The following XPO7 variants were observed in gnomAD, a reference collection of about 807,000 sequenced individuals.
XPO7 encodes the protein exportin-7.
A neutral mutation model predicts 144.3 loss-of-function variants in XPO7; 21 were observed. The ratio of observed to expected loss-of-function variants is 0.15; its 90% CI spans 0.10 to 0.21. The LOEUF is 0.21. XPO7 is among the 10% of genes least tolerant of loss of function. XPO7 has a pLI of 1.00. For synonymous variants in XPO7, 580 were observed against 499.6 expected (o/e 1.16, Z -2.15); for missense variants, 808 against 1,325.8 (o/e 0.61, Z 6.06).
intron 1 of XPO7, among the ~76,000 whole-genome samples, chr8:21,959,438 T>G (rs901986969): frequency 2.8e-4 from 43 of 152,172 alleles, no homozygotes; most frequent in African/African-American, 9.7e-4. Flanking sequence ...TTGAGTAACT[T>G]AAGTCATGCT....
chr8:21,950,889 A>C (rs1307895668), intron 1 of XPO7, among the ~76,000 whole-genome samples: 26 of 152,124 alleles, frequency 1.7e-4, no homozygotes, highest in South Asian at 6.2e-4. Context: ...TGGGAGGCTG[A>C]GGAGGGTGGA....
At chr8:21,954,824 T>C (rs1811483590) in intron 1 of XPO7, among the ~76,000 whole-genome samples, 1 of 152,196 alleles carries the variant, frequency 6.6e-6, no homozygotes, top group African/African-American at 2.4e-5. Context: ...AGGTTATCAC[T>C]TTCTGAACTT....
intron 1 of XPO7, among the ~76,000 whole-genome samples, chr8:21,920,992 TA>T (rs1810263655): frequency 6.6e-6 from 1 of 152,174 alleles, no homozygotes; most frequent in African/African-American, 2.4e-5. Flanking sequence ...CAGAGATCAG[TA>T]AAGTAGATCT....
intron 8 of XPO7, among the ~76,000 whole-genome samples, chr8:21,978,120 C>T (rs1286166103): frequency 6.6e-6 from 1 of 152,174 alleles, no homozygotes; most frequent in African/African-American, 2.4e-5. Flanking sequence ...GTTCCTCAAA[C>T]GGCCACAGGC....
chr8:21,963,793 T>A (rs1293917112), intron 1 of XPO7, among the ~76,000 whole-genome samples: 1 of 152,096 alleles, frequency 6.6e-6, no homozygotes, highest in Non-Finnish European at 1.5e-5. Flanking sequence ...TAATATAACA[T>A]CTAATGTACC....
chr8:21,938,871 G>A (rs1382614648), intron 1 of XPO7, among the ~76,000 whole-genome samples: 1 of 151,818 alleles, frequency 6.6e-6, no homozygotes, highest in African/African-American at 2.4e-5. Flanking sequence ...GAGTTTTTAT[G>A]TGTGCTGTTT....
At chr8:21,963,512 G>T (rs1416850717) in intron 1 of XPO7, among the ~76,000 whole-genome samples, 6 of 152,102 alleles carry the variant, frequency 3.9e-5, no homozygotes, top group South Asian at 2.1e-4. Flanking sequence ...TGGCCAATAT[G>T]GTGAAACCCC....
intron 1 of XPO7, among the ~76,000 whole-genome samples, chr8:21,965,782 G>A (rs1045178226): frequency 3.9e-5 from 6 of 152,178 alleles, no homozygotes; most frequent in African/African-American, 1.4e-4. Context: ...ATAATGAAAA[G>A]CCTTGGGCAG....
chr8:21,927,981 A>C (rs1810516871), intron 1 of XPO7, among the ~76,000 whole-genome samples: 1 of 152,206 alleles, frequency 6.6e-6, no homozygotes, highest in African/African-American at 2.4e-5. Flanking sequence ...CCTTTTTACT[A>C]AAATTTTATT....
intron 5 of XPO7, among the ~76,000 whole-genome samples, chr8:21,972,992 C>T (rs1812116118): frequency 6.6e-6 from 1 of 152,174 alleles, no homozygotes; most frequent in African/African-American, 2.4e-5. Flanking sequence ...CCATTCTAAG[C>T]ACTTTATAGT....
chr8:21,996,577 A>G (rs1388061706), intron 21 of XPO7, among the ~76,000 whole-genome samples: 4 of 152,160 alleles, frequency 2.6e-5, no homozygotes, highest in Admixed American at 6.5e-5. Flanking sequence ...GATATGATAG[A>G]TATTAGAATA....
At chr8:22,000,196 A>G (rs1042172690) in intron 24 of XPO7, among the ~76,000 whole-genome samples, 1 of 152,208 alleles carries the variant, frequency 6.6e-6, no homozygotes, top group African/African-American at 2.4e-5. Flanking sequence ...CCTGTAGGCA[A>G]GAAAGAACCA....
chr8:21,955,874 G>T (rs987153051), intron 1 of XPO7, among the ~76,000 whole-genome samples: 2 of 151,682 alleles, frequency 1.3e-5, no homozygotes, highest in Non-Finnish European at 2.9e-5. Context: ...GACTACAGGT[G>T]CCCACCACCG....
In XPO7 at chr8:21,970,130, T is replaced by C. The variant is rs1374848738; in HGVS notation, c.260-14T>C. 6.3e-7 allele frequency: 1 copy of C among 1,586,254 alleles called. No individual in the cohort carries two copies. Among genetic ancestry groups the C allele is most frequent in the Admixed American group, 1.8e-5 (1 of 55,300 alleles). On this transcript the variant is annotated splice_polypyrimidine_tract_variant and intron_variant, in intron 3 of 27. Transcript: ENST00000252512. ...TTATGTGGATTGGTTTTGTTTCTTG[T>C]TTTTTTTTAATAGGGAACTATGTGC...
At chr8:21,995,019 A>G in intron 20 of XPO7, among the ~76,000 whole-genome samples, 1 of 151,954 alleles carries the variant, frequency 6.6e-6, no homozygotes, top group Non-Finnish European at 1.5e-5. Context: ...GCGCCACTGC[A>G]CTCCAGCCTG....
At chr8:21,933,488 G>A (rs896363208) in intron 1 of XPO7, among the ~76,000 whole-genome samples, 11 of 152,056 alleles carry the variant, frequency 7.2e-5, no homozygotes, top group Non-Finnish European at 1.3e-4. Flanking sequence ...CTAATTTTAG[G>A]CCTCAAGGCT....
At chr8:21,959,271 A>G (rs943059308) in intron 1 of XPO7, among the ~76,000 whole-genome samples, 2 of 152,212 alleles carry the variant, frequency 1.3e-5, no homozygotes, top group African/African-American at 4.8e-5. Flanking sequence ...CATGCAAGCA[A>G]TAAAAAAGCT....
At chr8:21,959,036 A>C (rs571952609) in intron 1 of XPO7, among the ~76,000 whole-genome samples, 1 of 152,122 alleles carries the variant, frequency 6.6e-6, no homozygotes, top group African/African-American at 2.4e-5. Context: ...AGGTAACTCA[A>C]ATTGTTGACC....
chr8:21,936,950 C>T (rs910877710), intron 1 of XPO7, among the ~76,000 whole-genome samples: 1 of 152,158 alleles, frequency 6.6e-6, no homozygotes, highest in Non-Finnish European at 1.5e-5. Context: ...GCAGTACTGG[C>T]CTGAGTGCCT....
Sources: gnomAD v4.1 joint callset for allele counts (sites outside exome capture counted in the v4.1 genomes callset) on GRCh38, gnomAD v4.1.1 for gene constraint, MANE v1.5 for transcripts, NCBI Gene and HGNC (gene_info 2026-07-23, HGNC 2026-07-21) for gene names.